Variants in VIPAS39 observed in about 807,000 individuals in gnomAD.
VIPAS39 encodes spermatogenesis-defective protein 39 homolog.
VIPAS39 carries 63 observed loss-of-function variants against 84.7 expected under a neutral mutation model. The ratio of observed to expected loss-of-function variants is 0.74; its 90% CI spans 0.61 to 0.92. The LOEUF (loss-of-function observed/expected upper bound fraction) is 0.92, where lower values mean the gene tolerates loss of function less well. VIPAS39 is among the 40% of genes least tolerant of loss of function. The pLI, the probability that VIPAS39 is intolerant of heterozygous loss-of-function variation, is 0.00. For synonymous variants in VIPAS39, 192 were observed against 216.5 expected (o/e 0.89, Z 0.99); for missense variants, 499 against 604.5 (o/e 0.83, Z 1.83).
At chr14:77,439,463 T>C (rs557924668) in intron 11 of VIPAS39, among the ~76,000 whole-genome samples, 1 of 152,278 alleles carries the variant, frequency 6.6e-6, no homozygotes, top group African/African-American at 2.4e-5. Context: ...CTCTCATGCT[T>C]TGAATATTAA....
intron 10 of VIPAS39, 53 bp from the exon 11 acceptor site, chr14:77,441,146 TA>T: frequency 6.2e-7 from 1 of 1,608,054 alleles, no homozygotes. Context: ...TGTGTGGCAG[TA>T]TAACCTCACA....
At chr14:77,454,261 C>T (rs2078927159) in intron 1 of VIPAS39, among the ~76,000 whole-genome samples, 159 bp from the exon 2 acceptor site, 1 of 152,210 alleles carries the variant, frequency 6.6e-6, no homozygotes, top group African/African-American at 2.4e-5. Flanking sequence ...AAACCAGATT[C>T]TTGGGTCTCC....
In VIPAS39 at chr14:77,427,492, G is replaced by A; in HGVS notation, c.*124C>T. The A allele has an allele frequency of 8.7e-7, 1 of 1,146,330 alleles. No individual in the cohort carries two copies. Among genetic ancestry groups the A allele is most frequent in the South Asian group, 1.2e-5 (1 of 80,226 alleles). 71.0% of individuals were successfully genotyped at this position (1,146,330 alleles called of 1,614,324 possible). On this transcript the variant is annotated 3_prime_UTR_variant, in exon 20 of 20. Coordinates refer to ENST00000557658, the MANE Select transcript of VIPAS39 (RefSeq NM_001193315.2). Reference sequence around the variant, plus strand: ...GAAGTTATCTGTGTCAAGAGTAGCTGGCACTGCCCATGGGTAATGGGCCCA... The same window carrying A: ...GAAGTTATCTGTGTCAAGAGTAGCTAGCACTGCCCATGGGTAATGGGCCCA...
chr14:77,430,544 C>T (rs2078505252), intron 16 of VIPAS39, among the ~76,000 whole-genome samples: 1 of 151,858 alleles, frequency 6.6e-6, no homozygotes, highest in African/African-American at 2.4e-5. Flanking sequence ...TGGTGAAACC[C>T]CATCTTTACT....
At position 77,434,305 on chromosome 14, in the gene VIPAS39, T is replaced by C; in HGVS notation, c.1048-2A>G. On this transcript the variant is annotated splice_acceptor_variant, in intron 14 of 19. Coordinates refer to ENST00000557658, the MANE Select transcript of VIPAS39 (RefSeq NM_001193315.2). LOFTEE classifies it high-confidence loss of function. ...GTTGACGGGACTGCTGAATGTCCCC[T>C]AGGATGAAAGTGAAAAAGGAACTTT... The C allele has an allele frequency of 6.2e-7, 1 of 1,614,102 alleles. No individual in the cohort carries two copies. The highest frequency in any genetic ancestry group is 8.5e-7 in the Non-Finnish European group (1 of 1,179,996).
Position 77,457,430 on chromosome 14 carries a change from G to T in VIPAS39, c.-1+65C>A, listed in dbSNP as rs1376440869. Reference sequence around the variant, plus strand: ...GGATGCCTCCTAGAAGAGGGGAAAAGATCAAGATGCGGAGAGGCTGGATCC... The same window carrying T: ...GGATGCCTCCTAGAAGAGGGGAAAATATCAAGATGCGGAGAGGCTGGATCC... On this transcript the variant is annotated intron_variant, in intron 1 of 19. Coordinates refer to ENST00000557658, the MANE Select transcript of VIPAS39 (RefSeq NM_001193315.2). The T allele has an allele frequency of 9.8e-6, 15 of 1,531,204 alleles. No homozygotes were observed. The East Asian group carries it at 2.7e-4, about 27-fold the overall frequency. 94.9% of individuals were successfully genotyped at this position (1,531,204 alleles called of 1,614,324 possible).
chr14:77,428,616 C>T lies in VIPAS39; in HGVS notation c.1357-142G>A. On this transcript the variant is annotated intron_variant, in intron 18 of 19. Transcript: ENST00000557658. The stretch of plus-strand genomic sequence containing the variant: ...TAGCTGGAACTACTGGTGTGTGCTA[C>T]TGTGTACACATGAGGGCTTATTTCT... 4.1e-6 allele frequency: 3 copies of T among 736,786 alleles called. No homozygotes were observed. In the South Asian group the frequency reaches 4.4e-5, roughly 11 times the overall value. The allele number at this position is 736,786 out of a possible 1,614,324, so 45.6% of individuals were successfully genotyped here.
chr14:77,453,432 G>A (rs775556929), intron 2 of VIPAS39, 31 bp from the exon 3 acceptor site: 3 of 1,599,886 alleles, frequency 1.9e-6, no homozygotes, highest in Non-Finnish European at 2.6e-6. Flanking sequence ...AGGGTGCTCA[G>A]GCAAATCATC....
In VIPAS39 at chr14:77,433,118, C is replaced by G. The variant is rs1352899009; in HGVS notation, c.1179+724G>C. ...AAATACAGAAGCAAACCAAAAGTAG[C>G]TATAAATAACTAATTTAAATATGGA... is the stretch of plus-strand genomic sequence containing the variant. On this transcript the variant is annotated intron_variant, in intron 16 of 19. Transcript: ENST00000557658. 3.3e-5 allele frequency among the ~76,000 whole-genome samples: 5 copies of G among 152,066 alleles called. No homozygotes were observed. In the East Asian group the frequency reaches 7.7e-4, roughly 23 times the overall value.
At position 77,433,982 on chromosome 14, in the gene VIPAS39, G is replaced by C. The variant is rs369532180; in HGVS notation, c.1090-51C>G. ...TAAGGGGAAGTAGAAATACATCAATGGGGGTGCTTAAGAATTTTAGAAAAG... is the reference window on the plus strand; with the variant it reads ...TAAGGGGAAGTAGAAATACATCAATCGGGGTGCTTAAGAATTTTAGAAAAG... On this transcript the variant is annotated intron_variant, in intron 15 of 19. Transcript: ENST00000557658. 4 of 1,559,220 alleles carry C rather than the reference G, an allele frequency of 2.6e-6. No individual in the cohort carries two copies. The South Asian group carries it at 4.5e-5, about 17-fold the overall frequency.
chr14:77,427,724 A>C, intron 19 of VIPAS39, 88 bp from the exon 20 acceptor site: 4 of 1,544,058 alleles, frequency 2.6e-6, no homozygotes, highest in South Asian at 1.1e-5. Flanking sequence ...AACAAGGCTC[A>C]GCTAGATAAT....
intron 10 of VIPAS39, among the ~76,000 whole-genome samples, chr14:77,442,097 T>G (rs2078712216): frequency 6.6e-6 from 1 of 152,206 alleles, no homozygotes; most frequent in South Asian, 2.1e-4. Flanking sequence ...CTGGTATCAC[T>G]TAGAATCAAG....
At position 77,443,162 on chromosome 14, in the gene VIPAS39, A is replaced by C; in HGVS notation, c.598-10T>G. The C allele has an allele frequency of 6.2e-7, 1 of 1,614,202 alleles. No individual in the cohort carries two copies. Among genetic ancestry groups the C allele is most frequent in the Non-Finnish European group, 8.5e-7 (1 of 1,180,034 alleles). ...TCAGGAAAATCAGAACCTACAGGAA[A>C]AAAGAACAAAGACTGTGCAAACTTT... is the stretch of plus-strand genomic sequence containing the variant. On this transcript the variant is annotated splice_polypyrimidine_tract_variant and intron_variant, in intron 8 of 19. Transcript: ENST00000557658.
intron 2 of VIPAS39, 106 bp from the exon 3 acceptor site, chr14:77,453,507 T>C: frequency 9.5e-7 from 1 of 1,053,728 alleles, no homozygotes; most frequent in Non-Finnish European, 1.5e-6. Context: ...TGGCCAACAC[T>C]CGCCCTGTGC....
intron 1 of VIPAS39, among the ~76,000 whole-genome samples, chr14:77,454,610 G>T (rs1400298045): frequency 4.0e-5 from 6 of 150,276 alleles, no homozygotes; most frequent in Non-Finnish European, 8.8e-5. Flanking sequence ...GGAGGCAGAG[G>T]TTGCGGTGAG....
chr14:77,438,075 C>G (rs1006808758), intron 11 of VIPAS39, among the ~76,000 whole-genome samples, 194 bp from the exon 12 acceptor site: 1 of 151,976 alleles, frequency 6.6e-6, no homozygotes, highest in Non-Finnish European at 1.5e-5. Context: ...CTGCACTGTA[C>G]GATACAATAG....
intron 1 of VIPAS39, among the ~76,000 whole-genome samples, chr14:77,454,561 C>A (rs553080572): frequency 7.2e-5 from 11 of 151,938 alleles, no homozygotes; most frequent in African/African-American, 2.7e-4. Context: ...GTAATCCCAG[C>A]TACTCAGGAG....
At chr14:77,431,264 T>C (rs1010202930) in intron 16 of VIPAS39, among the ~76,000 whole-genome samples, 1 of 152,202 alleles carries the variant, frequency 6.6e-6, no homozygotes, top group Non-Finnish European at 1.5e-5. Flanking sequence ...AGAATATTTG[T>C]AAACCACATA....
intron 3 of VIPAS39, among the ~76,000 whole-genome samples, chr14:77,452,687 T>G (rs1211684333): frequency 2.8e-5 from 4 of 145,354 alleles, no homozygotes; most frequent in Non-Finnish European, 4.5e-5. Flanking sequence ...GGCTGAAGCA[T>G]GAGAATCGCT....
Sources: allele counts gnomAD v4.1 joint callset (sites outside exome capture counted in the v4.1 genomes callset), GRCh38; gene constraint gnomAD v4.1.1; transcripts MANE v1.5; gene names NCBI Gene and HGNC (gene_info 2026-07-23, HGNC 2026-07-21).